Variants in TUSC3 observed in about 807,000 individuals in gnomAD.
TUSC3 encodes tumor suppressor candidate 3, also known as dolichyl-diphosphooligosaccharide--protein glycosyltransferase subunit TUSC3.
A neutral mutation model predicts 44.8 loss-of-function variants in TUSC3; 45 were observed. The observed-to-expected ratio is 1.00, with a 90% CI of 0.79 to 1.29. The LOEUF (loss-of-function observed/expected upper bound fraction) is 1.29. Ranked by LOEUF, TUSC3 falls within the 50% of genes most tolerant of loss-of-function variation. TUSC3 has a pLI of 0.00. For missense variants in TUSC3, 519 were observed against 437.9 expected (o/e 1.19, Z -1.65); for synonymous variants, 212 against 152.9 (o/e 1.39, Z -2.85).
chr8:15,515,796 T>C (rs995274261), intron 2 of TUSC3, among the ~76,000 whole-genome samples: 1 of 152,018 alleles, frequency 6.6e-6, no homozygotes, highest in Non-Finnish European at 1.5e-5. Flanking sequence ...GCTTCCCAAG[T>C]AGCTGGGACT....
chr8:15,462,123 G>A (rs1439624270), intron 1 of TUSC3, among the ~76,000 whole-genome samples: 1 of 151,934 alleles, frequency 6.6e-6, no homozygotes, highest in African/African-American at 2.4e-5. Flanking sequence ...ATAGCTTTTA[G>A]GTTGCTAAGA....
intron 7 of TUSC3, among the ~76,000 whole-genome samples, chr8:15,737,169 A>G (rs1810972045): frequency 6.6e-6 from 1 of 152,124 alleles, no homozygotes; most frequent in Non-Finnish European, 1.5e-5. Context: ...CCAAGGAGAA[A>G]CATACTATAG....
chr8:15,777,665 T>G, the TUSC3 span, among the ~76,000 whole-genome samples: 3 of 152,158 alleles, frequency 2.0e-5, no homozygotes, highest in Non-Finnish European at 2.9e-5. Flanking sequence ...AAATAGTTCA[T>G]AAGACAAGTA....
intron 2 of TUSC3, among the ~76,000 whole-genome samples, chr8:15,648,069 A>G (rs540833933): frequency 6.6e-6 from 1 of 152,208 alleles, no homozygotes; most frequent in African/African-American, 2.4e-5. Context: ...CAGAAATACC[A>G]TTTTCTCTGT....
At chr8:15,608,966 T>C (rs1804649111) in intron 1 of TUSC3, among the ~76,000 whole-genome samples, 1 of 152,214 alleles carries the variant, frequency 6.6e-6, no homozygotes, top group Non-Finnish European at 1.5e-5. Flanking sequence ...AGAAACTTGG[T>C]AGAATTAAAC....
chr8:15,845,559 T>A, the TUSC3 span, among the ~76,000 whole-genome samples: 1 of 152,200 alleles, frequency 6.6e-6, no homozygotes, highest in African/African-American at 2.4e-5. Flanking sequence ...TTTTACAGTT[T>A]AATATTTTGG....
intron 1 of TUSC3, among the ~76,000 whole-genome samples, chr8:15,459,985 C>G (rs539263696): frequency 2.0e-5 from 3 of 152,206 alleles, no homozygotes; most frequent in Admixed American, 1.3e-4. Context: ...GCTAATTGTG[C>G]AGCTATAAAC....
At chr8:15,475,109 C>T (rs1406850767) in intron 1 of TUSC3, among the ~76,000 whole-genome samples, 4 of 152,086 alleles carry the variant, frequency 2.6e-5, no homozygotes, top group Admixed American at 6.6e-5. Flanking sequence ...ATAATAACAG[C>T]TAATATTATT....
intron 5 of TUSC3, among the ~76,000 whole-genome samples, chr8:15,666,608 G>A (rs540415981): frequency 6.6e-6 from 1 of 151,152 alleles, no homozygotes; most frequent in Non-Finnish European, 1.5e-5. Flanking sequence ...AGTTCAAATG[G>A]GGGTAGAAAA....
intron 6 of TUSC3, among the ~76,000 whole-genome samples, chr8:15,718,707 A>G (rs575774237): frequency 1.3e-5 from 2 of 152,216 alleles, no homozygotes; most frequent in East Asian, 1.9e-4. Flanking sequence ...ATAAACTTAG[A>G]TATATAACTT....
At chr8:15,469,340 G>A (rs768039793) in intron 1 of TUSC3, among the ~76,000 whole-genome samples, 1 of 152,038 alleles carries the variant, frequency 6.6e-6, no homozygotes, top group Non-Finnish European at 1.5e-5. Context: ...ATTAAAAATG[G>A]GCCGAAGATC....
At chr8:15,833,652 C>G in the TUSC3 span, among the ~76,000 whole-genome samples, 1 of 150,574 alleles carries the variant, frequency 6.6e-6, no homozygotes. Flanking sequence ...CACATGGACA[C>G]AGAGAGGTAG....
chr8:15,623,370 G>T, intron 2 of TUSC3, 121 bp downstream of exon 2: 1 of 1,030,620 alleles, frequency 9.7e-7, no homozygotes, highest in Non-Finnish European at 1.3e-6. Context: ...AAATATAACT[G>T]TGCATTTAAA....
chr8:15,487,471 T>C (rs17576999), intron 2 of TUSC3, among the ~76,000 whole-genome samples: 27,598 of 152,254 alleles, frequency 0.18, 2,876 homozygotes, highest in Admixed American at 0.29. Flanking sequence ...TAAAAGTTTT[T>C]AGATGAGTTG....
At chr8:15,848,530 T>C in the TUSC3 span, among the ~76,000 whole-genome samples, 2 of 152,174 alleles carry the variant, frequency 1.3e-5, no homozygotes, top group East Asian at 1.9e-4. Flanking sequence ...CAGGCAGCTT[T>C]CTTGAGCTGG....
rs773544572 is a variant in TUSC3 at position 15,748,452 on chromosome 8, G to T, written c.1015G>T (p.Gly339Cys). ...TTCAATATTTCGTTCCAAGTACCAC[G>T]GCTATCCTTATAGGTAATATCTTTA... Reference protein sequence around the residue: ...LLSIFRSKYHGYPYSDLDFE With the variant: ...LLSIFRSKYHCYPYSDLDFE Residue 339 changes from glycine (G) to cysteine (C), a missense_variant, in exon 9 of 11, where the codon GGC becomes TGC. Coordinates refer to ENST00000503731, the MANE Select transcript of TUSC3 (RefSeq NM_006765.4). 1 of 1,611,474 alleles carries T rather than the reference G, an allele frequency of 6.2e-7. No homozygotes were observed. The highest frequency in any genetic ancestry group is 8.5e-7 in the Non-Finnish European group (1 of 1,177,916).
chr8:15,605,683 G>C (rs1820826), intron 1 of TUSC3, among the ~76,000 whole-genome samples: 131,734 of 151,986 alleles, frequency 0.87, 57,307 homozygotes, highest in Non-Finnish European at 0.9. Flanking sequence ...TCATCGTTTA[G>C]TACCATAAGA....
chr8:15,616,927 C>G (rs952963909), intron 1 of TUSC3, among the ~76,000 whole-genome samples: 3 of 152,130 alleles, frequency 2.0e-5, no homozygotes, highest in Non-Finnish European at 4.4e-5. Context: ...AGCATGAGAC[C>G]AGCATGGCCG....
At chr8:15,747,148 G>A (rs964344325) in intron 8 of TUSC3, among the ~76,000 whole-genome samples, 17 of 151,948 alleles carry the variant, frequency 1.1e-4, no homozygotes, top group South Asian at 2.1e-4. Flanking sequence ...TGACAAAGCC[G>A]TACCTTATGT....
Sources: allele counts gnomAD v4.1 joint callset (sites outside exome capture counted in the v4.1 genomes callset), GRCh38; gene constraint gnomAD v4.1.1; transcripts MANE v1.5; gene names NCBI Gene and HGNC (gene_info 2026-07-23, HGNC 2026-07-21).